The following LRRC7 variants were observed in gnomAD, a reference collection of about 807,000 sequenced individuals.
LRRC7 encodes leucine-rich repeat-containing protein 7.
Under a neutral mutation model 175.7 loss-of-function variants are expected in LRRC7, and 23 were observed. That is an observed-to-expected ratio of 0.13 (90% confidence interval 0.09 to 0.19). The LOEUF (loss-of-function observed/expected upper bound fraction) is 0.19, where lower values mean the gene tolerates loss of function less well. Among genes scored for constraint, LRRC7 ranks in the 10% least tolerant of loss-of-function variants. The probability of loss-of-function intolerance (pLI) is 1.00; values close to 1 mark genes in which losing one functional copy is unlikely to be tolerated. For synonymous variants in LRRC7, 685 were observed against 680.9 expected (o/e 1.01, Z -0.09); for missense variants, 1,354 against 1,904.7 (o/e 0.71, Z 5.38).
At chr1:69,838,693 T>G (rs2101359907) in intron 7 of LRRC7, among the ~76,000 whole-genome samples, 1 of 152,048 alleles carries the variant, frequency 6.6e-6, no homozygotes, top group East Asian at 1.9e-4. Context: ...ATGCCAGAAA[T>G]TTTTAGGAAA....
At chr1:69,764,515 C>T (rs973778235) in intron 3 of LRRC7, among the ~76,000 whole-genome samples, 5 of 151,894 alleles carry the variant, frequency 3.3e-5, no homozygotes, top group African/African-American at 7.3e-5. Context: ...AACATTTTCT[C>T]GGCTTAAAAG....
intron 4 of LRRC7, among the ~76,000 whole-genome samples, chr1:69,792,595 T>C (rs527922783): frequency 1.3e-5 from 2 of 152,064 alleles, no homozygotes; most frequent in Non-Finnish European, 2.9e-5. Context: ...ATCCTCACAA[T>C]ATTGTATACT....
intron 7 of LRRC7, among the ~76,000 whole-genome samples, chr1:69,902,425 G>A (rs948774705): frequency 6.6e-6 from 1 of 152,058 alleles, no homozygotes; most frequent in Non-Finnish European, 1.5e-5. Flanking sequence ...ACAAAAATTA[G>A]CCAGGCATGG....
intron 9 of LRRC7, among the ~76,000 whole-genome samples, chr1:69,982,698 G>A (rs990011320): frequency 1.3e-5 from 2 of 152,076 alleles, no homozygotes; most frequent in Non-Finnish European, 2.9e-5. Context: ...ACCAAAATAT[G>A]ACTAAATCAT....
chr1:70,119,950 G>A (rs1571377004), intron 26 of LRRC7, among the ~76,000 whole-genome samples: 1 of 151,964 alleles, frequency 6.6e-6, no homozygotes, highest in African/African-American at 2.4e-5. Context: ...CAAATTGAAG[G>A]CATTAAGGTA....
intron 1 of LRRC7, among the ~76,000 whole-genome samples, chr1:69,673,709 T>C (rs1659413490): frequency 6.6e-6 from 1 of 152,222 alleles, no homozygotes; most frequent in Non-Finnish European, 1.5e-5. Context: ...TCTGCAAAAT[T>C]ATTAACTTCA....
intron 2 of LRRC7, among the ~76,000 whole-genome samples, chr1:69,678,799 G>A (rs1055029883): frequency 2.0e-5 from 3 of 152,102 alleles, no homozygotes; most frequent in African/African-American, 4.8e-5. Flanking sequence ...GTTCTGAGAC[G>A]TCCTGAAGTA....
intron 2 of LRRC7, chr1:69,716,160 A>G: frequency 2.3e-6 from 1 of 443,104 alleles, no homozygotes; most frequent in Non-Finnish European, 4.1e-6. Flanking sequence ...TACATGAAAA[A>G]AAATGCAAGT....
intron 1 of LRRC7, among the ~76,000 whole-genome samples, chr1:69,650,539 CA>C (rs574357981): frequency 2.0e-3 from 161 of 79,142 alleles, no homozygotes; most frequent in Middle Eastern, 7.5e-3. Context: ...GACTCCGTCT[CA>C]AAAAAAAAAA....
chr1:69,623,029 C>T (rs969564418), intron 1 of LRRC7, among the ~76,000 whole-genome samples: 1 of 152,118 alleles, frequency 6.6e-6, no homozygotes, highest in Admixed American at 6.5e-5. Context: ...TTCAGAGTAT[C>T]CCTGTAAATC....
intron 11 of LRRC7, among the ~76,000 whole-genome samples, chr1:69,996,340 C>G (rs1228757670): frequency 6.6e-6 from 1 of 151,972 alleles, no homozygotes; most frequent in Middle Eastern, 3.2e-3. Flanking sequence ...AAATTTTCTC[C>G]CATTTTGTAG....
intron 7 of LRRC7, among the ~76,000 whole-genome samples, chr1:69,922,892 T>C (rs1646936343): frequency 6.6e-6 from 1 of 152,056 alleles, no homozygotes; most frequent in South Asian, 2.1e-4. Flanking sequence ...ACATACGCCA[T>C]GCTGGTGTGC....
intron 1 of LRRC7, among the ~76,000 whole-genome samples, chr1:69,602,132 CTT>C (rs1210277027): frequency 6.6e-6 from 1 of 152,202 alleles, no homozygotes; most frequent in Non-Finnish European, 1.5e-5. Context: ...GTTCACATGA[CTT>C]TAAAATGTCA....
chr1:69,699,858 C>T (rs988847843), intron 2 of LRRC7, among the ~76,000 whole-genome samples: 2 of 152,166 alleles, frequency 1.3e-5, no homozygotes, highest in Admixed American at 6.5e-5. Flanking sequence ...TCCTGAATTA[C>T]TTCTCTAAGT....
intron 7 of LRRC7, among the ~76,000 whole-genome samples, chr1:69,895,760 G>A (rs985849908): frequency 3.3e-5 from 5 of 152,138 alleles, no homozygotes; most frequent in African/African-American, 1.2e-4. Flanking sequence ...ATGTTGTAAT[G>A]TTTATCAGTT....
intron 7 of LRRC7, chr1:69,919,720 C>T: frequency 9.7e-7 from 1 of 1,030,948 alleles, no homozygotes; most frequent in Admixed American, 1.9e-5. Flanking sequence ...ACCTGGGTGC[C>T]TTCAGCAAAG....
chr1:69,779,029 TATAC>T (rs1569769621), intron 3 of LRRC7, among the ~76,000 whole-genome samples: 3 of 150,994 alleles, frequency 2.0e-5, no homozygotes, highest in East Asian at 1.9e-4. Flanking sequence ...CATATATATA[TATAC>T]ACACACACAC....
chr1:69,834,686 C>T (rs1680912286), intron 5 of LRRC7, 94 bp from the exon 6 acceptor site: 1 of 936,478 alleles, frequency 1.1e-6, no homozygotes, highest in African/African-American at 1.7e-5. Flanking sequence ...AAATGTATTA[C>T]ATTTCTATTT....
intron 1 of LRRC7, among the ~76,000 whole-genome samples, chr1:69,588,906 C>G (rs1646507560): frequency 6.6e-6 from 1 of 151,916 alleles, no homozygotes; most frequent in African/African-American, 2.4e-5. Flanking sequence ...ACAAACTTAT[C>G]AAGTTGCTTC....
Sources: gnomAD v4.1 joint callset for allele counts (sites outside exome capture counted in the v4.1 genomes callset) on GRCh38, gnomAD v4.1.1 for gene constraint, MANE v1.5 for transcripts, NCBI Gene and HGNC (gene_info 2026-07-23, HGNC 2026-07-21) for gene names.